Variants in PARD3 observed in about 807,000 individuals in gnomAD.
The protein encoded by PARD3 is partitioning defective 3 homolog.
A neutral mutation model predicts 155.4 loss-of-function variants in PARD3; 75 were observed. The ratio of observed to expected loss-of-function variants is 0.48; its 90% confidence interval spans 0.40 to 0.58. The LOEUF (loss-of-function observed/expected upper bound fraction) is 0.58, where lower values mean the gene tolerates loss of function less well. PARD3 is among the 20% of genes least tolerant of loss of function. The pLI, the probability that PARD3 is intolerant of heterozygous loss-of-function variation, is 0.00. For synonymous variants in PARD3, 576 were observed against 610.5 expected (o/e 0.94, Z 0.83); for missense variants, 1,642 against 1,721.7 (o/e 0.95, Z 0.82).
chr10:34,123,072 G>A (rs2132704538), intron 23 of PARD3, among the ~76,000 whole-genome samples: 1 of 152,264 alleles, frequency 6.6e-6, no homozygotes, highest in African/African-American at 2.4e-5. Flanking sequence ...ACAAGGCGAA[G>A]CTCTGTTCTA....
chr10:34,149,499 T>C (rs146333033), intron 22 of PARD3, among the ~76,000 whole-genome samples: 22 of 152,272 alleles, frequency 1.4e-4, no homozygotes, highest in African/African-American at 5.3e-4. Context: ...ATGGGAATAT[T>C]TCTGTGTCTT....
At position 34,227,852 on chromosome 10, in the gene PARD3, TTTTTTATATATATATA is replaced by T. The variant is rs1026641269; in HGVS notation, c.3419+41789_3419+41804del. Reference sequence around the variant, plus strand: ...TATATATTCCCAGTAATGGGAATTATTTTTTATATATATATATATATATATATATATACTGGGAATA... The same window carrying T: ...TATATATTCCCAGTAATGGGAATTATTATATATATATATATACTGGGAATA... On this transcript the variant is annotated intron_variant, in intron 22 of 24. Coordinates refer to ENST00000374788, the MANE Select transcript of PARD3 (RefSeq NM_001184785.2). Among the ~76,000 whole-genome samples, 12 of 31,392 alleles carry T rather than the reference TTTTTTATATATATATA, an allele frequency of 3.8e-4. 1 individual carries two copies. Among genetic ancestry groups the T allele is most frequent in the African/African-American group, 1.5e-3 (12 of 8,160 alleles). The allele number at this position is 31,392 out of a possible 152,430, so 20.6% of individuals were successfully genotyped here.
chr10:34,576,073 T>C (rs1279089691), intron 2 of PARD3, among the ~76,000 whole-genome samples: 1 of 152,180 alleles, frequency 6.6e-6, no homozygotes, highest in South Asian at 2.1e-4. Context: ...ATGTGCAGTC[T>C]TGAATGAATA....
At chr10:34,606,156 ATGTGTGTGTGTGTGTGTGTGTGTG>A (rs59792013) in intron 2 of PARD3, among the ~76,000 whole-genome samples, 15,147 of 126,526 alleles carry the variant, frequency 0.12, 1,448 homozygotes, top group African/African-American at 0.26. Flanking sequence ...ATAAAGGGAA[ATGTGTGTGTGTGTGTGTGTGTGTG>A]TGTGTGTGTG....
At chr10:34,794,147 A>AG (rs760163044) in intron 1 of PARD3, among the ~76,000 whole-genome samples, 29 of 152,126 alleles carry the variant, frequency 1.9e-4, no homozygotes, top group Non-Finnish European at 4.3e-4. Context: ...AGATATCACA[A>AG]GGGGACAAGG....
At chr10:34,501,776 T>C (rs954540519) in intron 3 of PARD3, among the ~76,000 whole-genome samples, 1 of 148,424 alleles carries the variant, frequency 6.7e-6, no homozygotes, top group Admixed American at 6.7e-5. Context: ...CCCTAGAACC[T>C]GCCATGTTAC....
chr10:34,634,912 T>C (rs2092412150), intron 2 of PARD3, among the ~76,000 whole-genome samples: 1 of 152,074 alleles, frequency 6.6e-6, no homozygotes, highest in Non-Finnish European at 1.5e-5. Context: ...GGGACAGCCA[T>C]GATGGCATCA....
chr10:34,484,136 T>A (rs536438833), intron 3 of PARD3, among the ~76,000 whole-genome samples: 2 of 152,322 alleles, frequency 1.3e-5, no homozygotes, highest in South Asian at 4.1e-4. Flanking sequence ...GACACTTTTT[T>A]AAAATATGAA....
chr10:34,598,951 C>G (rs1307928515), intron 2 of PARD3, among the ~76,000 whole-genome samples: 1 of 152,104 alleles, frequency 6.6e-6, no homozygotes, highest in African/African-American at 2.4e-5. Flanking sequence ...ACTGCACACA[C>G]AGAACCCTGC....
intron 1 of PARD3, among the ~76,000 whole-genome samples, chr10:34,699,877 A>T (rs1286919938): frequency 2.0e-5 from 3 of 152,198 alleles, no homozygotes; most frequent in African/African-American, 7.2e-5. Flanking sequence ...CCCGTCTCTT[A>T]GGGGGAAGAT....
chr10:34,454,917 T>C (rs1386284310), intron 4 of PARD3, among the ~76,000 whole-genome samples: 5 of 152,094 alleles, frequency 3.3e-5, no homozygotes, highest in Non-Finnish European at 7.4e-5. Flanking sequence ...AAAGTAAGTG[T>C]CTTCTCCCAC....
At chr10:34,793,081 T>C (rs1588775079) in intron 1 of PARD3, among the ~76,000 whole-genome samples, 1 of 152,146 alleles carries the variant, frequency 6.6e-6, no homozygotes, top group Non-Finnish European at 1.5e-5. Context: ...GCACTTGGTG[T>C]GGCACTGAGA....
chr10:34,756,664 A>T (rs898223769), intron 1 of PARD3, among the ~76,000 whole-genome samples: 1 of 151,010 alleles, frequency 6.6e-6, no homozygotes, highest in African/African-American at 2.4e-5. Flanking sequence ...ACATTGCCCA[A>T]ACTGGCCTCA....
rs541345940 is a variant in PARD3, at chr10:34,435,996, T to C, written c.714+14321A>G. 1.1e-4 allele frequency among the ~76,000 whole-genome samples: 16 copies of C among 152,142 alleles called. No homozygotes were observed. In the South Asian group the frequency reaches 2.9e-3, roughly 28 times the overall value. On this transcript the variant is annotated intron_variant, in intron 5 of 24. Coordinates refer to ENST00000374788, the MANE Select transcript of PARD3 (RefSeq NM_001184785.2). ...GCAAAGTATGCAAAAACAACAACTA[T>C]CAAATAGGAGATAGGAATGCTCAGG...
At chr10:34,526,160 CTT>C (rs2082469133) in intron 2 of PARD3, among the ~76,000 whole-genome samples, 1 of 150,726 alleles carries the variant, frequency 6.6e-6, no homozygotes, top group Admixed American at 6.6e-5. Context: ...CAAAATCTCT[CTT>C]TCTCTCATAC....
At chr10:34,353,208 C>T (rs545459075) in intron 14 of PARD3, among the ~76,000 whole-genome samples, 1 of 152,170 alleles carries the variant, frequency 6.6e-6, no homozygotes, top group African/African-American at 2.4e-5. Context: ...CCACCCCGTC[C>T]GGGAGGTGGA....
rs377706005 is a variant in PARD3, at chr10:34,684,836, TAC to T, written c.222+11480_222+11481del. ...ACACACACACACACACACACATATA[TAC>T]ACACACACATATATATACATGTATA... On this transcript the variant is annotated intron_variant, in intron 2 of 24. Transcript: ENST00000374788. Among the ~76,000 whole-genome samples the T allele has an allele frequency of 7.9e-3, 1,078 of 135,628 alleles. 15 individuals carry two copies. The highest frequency in any genetic ancestry group is 0.028 in the African/African-American group (978 of 34,336). 89.0% of individuals were successfully genotyped at this position (135,628 alleles called of 152,430 possible).
chr10:34,316,524 C>T (rs777182625), intron 20 of PARD3, among the ~76,000 whole-genome samples: 8 of 152,140 alleles, frequency 5.3e-5, no homozygotes, highest in Non-Finnish European at 1.0e-4. Flanking sequence ...AATTGAAGCT[C>T]TATTTGTAAC....
chr10:34,742,860 C>G (rs1200247959), intron 1 of PARD3, among the ~76,000 whole-genome samples: 3 of 152,318 alleles, frequency 2.0e-5, no homozygotes, highest in South Asian at 2.1e-4. Context: ...CAAGGCACAG[C>G]AGGCCACAAC....
Sources: allele counts gnomAD v4.1 joint callset (sites outside exome capture counted in the v4.1 genomes callset), GRCh38; gene constraint gnomAD v4.1.1; transcripts MANE v1.5; gene names NCBI Gene and HGNC (gene_info 2026-07-23, HGNC 2026-07-21).